The following ZNF124 variants were observed in gnomAD, a reference collection of about 807,000 sequenced individuals.
ZNF124 encodes the protein zinc finger protein HZF-16.
In ZNF124, 25 loss-of-function variants were observed where a neutral mutation model predicts 26.6. The ratio of observed to expected loss-of-function variants is 0.94; its 90% CI spans 0.68 to 1.31. ZNF124 has a LOEUF of 1.31. Ranked by LOEUF, ZNF124 falls within the 40% of genes most tolerant of loss-of-function variation. The pLI is 0.00. For synonymous variants in ZNF124, 129 were observed against 133.3 expected, an observed-to-expected ratio of 0.97 and a Z score of 0.22; for missense variants, 444 against 422.2, an observed-to-expected ratio of 1.05 and a Z score of -0.45.
At chr1:247,163,400 A>AAAGAG (rs1673601645) in intron 1 of ZNF124, among the ~76,000 whole-genome samples, 3 of 151,674 alleles carry the variant, frequency 2.0e-5, no homozygotes, top group Admixed American at 2.0e-4. Flanking sequence ...CTAATAAAGA[A>AAAGAG]AAGGAGAGAA....
intron 1 of ZNF124, among the ~76,000 whole-genome samples, chr1:247,165,685 A>C (rs1360074481): frequency 6.6e-6 from 1 of 152,230 alleles, no homozygotes; most frequent in Non-Finnish European, 1.5e-5. Context: ...AATATCCAGA[A>C]TCTGTAAGAA....
chr1:247,158,643 C>T (rs77787204), intron 3 of ZNF124, among the ~76,000 whole-genome samples: 16,956 of 148,632 alleles, frequency 0.11, 1,193 homozygotes, highest in African/African-American at 0.18. Flanking sequence ...TTTTTTTTTT[C>T]CCCGAGATGG....
intron 1 of ZNF124, among the ~76,000 whole-genome samples, chr1:247,160,205 C>T (rs551618650): frequency 1.6e-4 from 25 of 152,172 alleles, no homozygotes; most frequent in African/African-American, 6.0e-4. Flanking sequence ...AGGATGGCCT[C>T]GATCTCTTGA....
At chr1:247,146,936 G>A (rs1672796717) in intron 3 of ZNF124, among the ~76,000 whole-genome samples, 1 of 152,098 alleles carries the variant, frequency 6.6e-6, no homozygotes, top group African/African-American at 2.4e-5. Flanking sequence ...ACTAGCGGAT[G>A]ATAATGGGAG....
chr1:247,168,488 C>G lies in ZNF124; in HGVS notation c.30+3360G>C, dbSNP rs1572103818. Among the ~76,000 whole-genome samples, 1 of 152,226 alleles carries G rather than the reference C, an allele frequency of 6.6e-6. No individual in the cohort carries two copies. Among genetic ancestry groups the G allele is most frequent in the African/African-American group, 2.4e-5 (1 of 41,454 alleles). On this transcript the variant is annotated intron_variant, in intron 1 of 3. Transcript: ENST00000543802. The surrounding 1 kb of genome is among the most constrained non-coding windows in gnomAD (Gnocchi z 4.0). ...ACGGAAGGTTGTAGTGAGCCAAGAT[C>G]GTGCCACTGCACTACAGCCTGGGTA...
At chr1:247,159,918 C>G (rs886868748) in intron 1 of ZNF124, 105 bp from the exon 2 acceptor site, 11 of 1,350,232 alleles carry the variant, frequency 8.1e-6, no homozygotes, top group Non-Finnish European at 9.8e-6. Context: ...AACATTTATT[C>G]TACTATTTGG....
At chr1:247,142,339 T>C (rs1425575288) in intron 3 of ZNF124, among the ~76,000 whole-genome samples, 1 of 152,334 alleles carries the variant, frequency 6.6e-6, no homozygotes, top group African/African-American at 2.4e-5. Flanking sequence ...CTGAAAATGG[T>C]AAACCCAGTT....
chr1:247,167,385 C>T (rs1037170281), intron 1 of ZNF124, among the ~76,000 whole-genome samples: 18 of 151,924 alleles, frequency 1.2e-4, no homozygotes, highest in African/African-American at 4.1e-4. Context: ...AATTCTTCAT[C>T]CTGCAGGAAA....
chr1:247,163,237 A>G (rs541850630), intron 1 of ZNF124, among the ~76,000 whole-genome samples: 5 of 152,218 alleles, frequency 3.3e-5, no homozygotes, highest in Non-Finnish European at 5.9e-5. Flanking sequence ...TTACACTTAG[A>G]GGAACTAAAG....
chr1:247,148,742 C>T (rs566994668), intron 3 of ZNF124, among the ~76,000 whole-genome samples: 9 of 152,018 alleles, frequency 5.9e-5, no homozygotes, highest in South Asian at 2.1e-4. Context: ...GGGCAGATCA[C>T]GAGGTCAGGA....
intron 3 of ZNF124, among the ~76,000 whole-genome samples, chr1:247,141,892 G>T (rs1672637405): frequency 6.6e-6 from 1 of 152,210 alleles, no homozygotes; most frequent in Non-Finnish European, 1.5e-5. Flanking sequence ...TCAGACACAA[G>T]CACAGTAGGT....
At chr1:247,147,479 C>G (rs1049293022) in intron 3 of ZNF124, among the ~76,000 whole-genome samples, 1 of 152,086 alleles carries the variant, frequency 6.6e-6, no homozygotes, top group South Asian at 2.1e-4. Flanking sequence ...CACGGCTCGG[C>G]CTCCCAAAGT....
In ZNF124 at chr1:247,156,752, A is replaced by T; in HGVS notation, c.870T>A (p.Tyr290Ter). 1.9e-6 allele frequency: 3 copies of T among 1,613,184 alleles called. No individual in the cohort carries two copies. Among genetic ancestry groups the T allele is most frequent in the Non-Finnish European group, 1.7e-6 (2 of 1,179,732 alleles). The change falls in exon 4 of 4, where the codon TAT becomes TAA. Residue 290 changes from tyrosine to a stop codon, truncating the protein, a stop_gained. Coordinates refer to ENST00000543802, the MANE Select transcript of ZNF124 (RefSeq NM_001297568.2). LOFTEE classifies it high-confidence loss of function. ...HEKTHIAQKP[Y>*]VCNNCGKGFR... is the part of the protein sequence containing the mutation. ...AGCCTTTACCACAATTGTTACATAC[A>T]TAGGGTTTCTGTGCAATATGAGTTT... is the stretch of plus-strand genomic sequence containing the variant.
chr1:247,138,452 A>G (rs1313638633), intron 3 of ZNF124: 2 of 228,296 alleles, frequency 8.8e-6, no homozygotes, highest in Admixed American at 8.7e-5. Flanking sequence ...AACAACACAC[A>G]CCAGGGGCTG....
rs1466366358 is a variant in ZNF124 at position 247,156,043 on chromosome 1, T to C, written c.*523A>G. 1 of 965,836 alleles carries C rather than the reference T, an allele frequency of 1.0e-6. No individual in the cohort carries two copies. The highest frequency in any genetic ancestry group is 1.2e-6 in the Non-Finnish European group (1 of 812,320). The allele number at this position is 965,836 out of a possible 1,614,324, so 59.8% of individuals were successfully genotyped here. A position where few individuals can be genotyped will look rare whatever the true frequency, so the allele number is the denominator to read the frequency against. On this transcript the variant is annotated 3_prime_UTR_variant, in exon 4 of 4. Transcript: ENST00000543802. ...GTACTATAATTATTTTCCATAAGGT[T>C]TTCCATAATATTTACATTTACAGGA...
intron 3 of ZNF124, among the ~76,000 whole-genome samples, chr1:247,158,466 C>G (rs549311467): frequency 6.6e-6 from 1 of 152,172 alleles, no homozygotes; most frequent in African/African-American, 2.4e-5. Flanking sequence ...TTATAAATTA[C>G]TCAGCCTAGG....
At chr1:247,134,280 A>T (rs574155009) in intron 3 of ZNF124, among the ~76,000 whole-genome samples, 7 of 152,378 alleles carry the variant, frequency 4.6e-5, no homozygotes, top group African/African-American at 1.2e-4. Flanking sequence ...TAAATGGGCT[A>T]AAAGCCCCAA....
At chr1:247,143,848 G>A (rs921868263) in intron 3 of ZNF124, among the ~76,000 whole-genome samples, 1 of 152,160 alleles carries the variant, frequency 6.6e-6, no homozygotes, top group African/African-American at 2.4e-5. Flanking sequence ...CTTAAGCTCA[G>A]CCATGAGATA....
At chr1:247,158,187 T>C (rs1256884464) in intron 3 of ZNF124, among the ~76,000 whole-genome samples, 2 of 151,922 alleles carry the variant, frequency 1.3e-5, no homozygotes, top group Admixed American at 1.3e-4. Flanking sequence ...GAGGCGGAGG[T>C]TGCAGTGAGC....
Sources: gnomAD v4.1 joint callset for allele counts (sites outside exome capture counted in the v4.1 genomes callset) on GRCh38, gnomAD v4.1.1 for gene constraint, Gnocchi (gnomAD v3.1) non-coding constraint, MANE v1.5 for transcripts, NCBI Gene and HGNC (gene_info 2026-07-23, HGNC 2026-07-21) for gene names.